HSP90B1: variants seen among roughly 807,000 people sequenced by gnomAD.
The protein encoded by HSP90B1 is endoplasmin.
HSP90B1 carries 27 observed loss-of-function variants against 100.4 expected under a neutral mutation model. The ratio of observed to expected loss-of-function variants is 0.27; its 90% confidence interval spans 0.20 to 0.37. The LOEUF is 0.37. Among genes scored for constraint, HSP90B1 ranks in the 10% least tolerant of loss-of-function variants. HSP90B1 has a pLI of 1.00. For missense variants in HSP90B1, 678 were observed against 960.5 expected, an observed-to-expected ratio of 0.71 and a Z score of 3.89; for synonymous variants, 304 against 330.8, an observed-to-expected ratio of 0.92 and a Z score of 0.88.
intron 8 of HSP90B1, among the ~76,000 whole-genome samples, chr12:103,940,112 T>C (rs981126613): frequency 1.3e-5 from 2 of 152,198 alleles, no homozygotes; most frequent in Admixed American, 6.5e-5. Flanking sequence ...TGAGAAGGCA[T>C]CTGTAGCCTT....
intron 5 of HSP90B1, 33 bp from the exon 6 acceptor site, chr12:103,937,662 T>C (rs745669214): frequency 1.0e-6 from 1 of 1,002,650 alleles, no homozygotes; most frequent in Non-Finnish European, 1.6e-6. Flanking sequence ...TTCTAAATGT[T>C]AGGTGTCTCT....
In HSP90B1 at chr12:103,930,435, T is replaced by G; in HGVS notation, c.-81T>G. On this transcript the variant is annotated 5_prime_UTR_variant, in exon 1 of 18. Transcript: ENST00000299767. The surrounding 1 kb of genome is among the most constrained non-coding windows in gnomAD (Gnocchi z 4.4). ...AGTGGGCGGACCGCGCGGCTGGAGG[T>G]GTGAGGATCCGAACCCAGGGGTGGG... The G allele has an allele frequency of 3.0e-6, 4 of 1,329,404 alleles. No individual in the cohort carries two copies. The highest frequency in any genetic ancestry group is 2.7e-5 in the East Asian group (1 of 37,042). The allele number at this position is 1,329,404 out of a possible 1,614,324, so 82.4% of individuals were successfully genotyped here.
chr12:103,934,349 TC>T, intron 5 of HSP90B1, 62 bp downstream of exon 5: 1 of 1,290,428 alleles, frequency 7.7e-7, no homozygotes, highest in Non-Finnish European at 1.1e-6. Flanking sequence ...ACTCTCCAGT[TC>T]TATTCTCTGA....
Position 103,941,437 on chromosome 12 carries a change from C to T in HSP90B1, c.1120C>T (p.His374Tyr), listed in dbSNP as rs913376058. 1 of 1,612,654 alleles carries T rather than the reference C, an allele frequency of 6.2e-7. No homozygotes were observed. The highest frequency in any genetic ancestry group is 8.5e-7 in the Non-Finnish European group (1 of 1,179,870). ...AAGTGATGACCCCATGGCTTATATT[C>T]ACTTTACTGCTGAAGGGGAAGTTAC... ...KESDDPMAYI[H>Y]FTAEGEVTFK... is the part of the protein sequence containing the mutation. Residue 374 changes from histidine to tyrosine, a missense_variant, in exon 9 of 18, where the codon CAC becomes TAC. Coordinates refer to ENST00000299767, the MANE Select transcript of HSP90B1 (RefSeq NM_003299.3).
Position 103,947,321 on chromosome 12 carries a change from A to T in HSP90B1, c.2273A>T (p.Glu758Val). Residue 758 changes from glutamate to valine, a missense_variant, in exon 17 of 18, where the codon GAG becomes GTG. Physicochemically the swap from Glu to Val is moderately radical, Grantham distance 121. Coordinates refer to ENST00000299767, the MANE Select transcript of HSP90B1 (RefSeq NM_003299.3). ...NIDPDAKVEE[E>V]PEEEPEETAE... Reference sequence around the variant, plus strand: ...AAATGTTGTGTTTAGGTGGAAGAAGAGCCCGAAGAAGAACCTGAAGAGACA... The same window carrying T: ...AAATGTTGTGTTTAGGTGGAAGAAGTGCCCGAAGAAGAACCTGAAGAGACA... 6.3e-7 allele frequency: 1 copy of T among 1,596,290 alleles called. No individual in the cohort carries two copies. Among genetic ancestry groups the T allele is most frequent in the Non-Finnish European group, 8.5e-7 (1 of 1,173,824 alleles).
Position 103,934,290 on chromosome 12 carries a change from G to T in HSP90B1, c.743+3G>T. On this transcript the variant is annotated splice_donor_region_variant and intron_variant, in intron 5 of 17. Coordinates refer to ENST00000299767, the MANE Select transcript of HSP90B1 (RefSeq NM_003299.3). ...CTAGGACGGGGAACGACAATTACGT[G>T]AGTATGACCAATTCCTTATAAGAAT... 1.2e-6 allele frequency: 2 copies of T among 1,603,288 alleles called. No individual in the cohort carries two copies. The highest frequency in any genetic ancestry group is 2.2e-5 in the South Asian group (2 of 90,800).
intron 16 of HSP90B1, 113 bp from the exon 17 acceptor site, chr12:103,947,198 T>C: frequency 7.4e-7 from 1 of 1,356,224 alleles, no homozygotes; most frequent in South Asian, 1.5e-5. Flanking sequence ...TAAGAGGATT[T>C]AGTCTGTGGT....
In HSP90B1 at chr12:103,930,474, T is replaced by A. The variant is rs760496952; in HGVS notation, c.-42T>A. 3.8e-6 allele frequency: 6 copies of A among 1,572,240 alleles called. No individual in the cohort carries two copies. Among genetic ancestry groups the A allele is most frequent in the Non-Finnish European group, 5.2e-6 (6 of 1,157,544 alleles). ...CCCAGGGGTGGGGGGTGGAGGCGGC[T>A]CCTGCGATCGAAGGGGACTTGAGAC... On this transcript the variant is annotated 5_prime_UTR_variant, in exon 1 of 18. Coordinates refer to ENST00000299767, the MANE Select transcript of HSP90B1 (RefSeq NM_003299.3). The surrounding 1 kb of genome is among the most constrained non-coding windows in gnomAD (Gnocchi z 4.4).
Position 103,942,709 on chromosome 12 carries a change from T to G in HSP90B1, c.1557T>G (p.Thr519=), listed in dbSNP as rs1248501013. The change falls in exon 12 of 18, where the codon ACT becomes ACG. Residue 519 remains threonine (T), a synonymous_variant. Transcript: ENST00000299767. ...GGTTCCAGTCTTCTCATCATCCAAC[T>G]GACATTACTAGCCTAGACCAGTATG... The part of the protein sequence containing the change: ...LLRFQSSHHP[T]DITSLDQYVE... 24 of 1,613,766 alleles carry G rather than the reference T, an allele frequency of 1.5e-5. No individual in the cohort carries two copies. The highest frequency in any genetic ancestry group is 1.9e-5 in the Non-Finnish European group (23 of 1,179,796).
rs1385298900 is a variant in HSP90B1, at chr12:103,941,439, C to G, written c.1122C>G (p.His374Gln). The G allele has an allele frequency of 1.2e-6, 2 of 1,612,758 alleles. No individual in the cohort carries two copies. Among genetic ancestry groups the G allele is most frequent in the African/African-American group, 2.7e-5 (2 of 74,990 alleles). ...KESDDPMAYI[H>Q]FTAEGEVTFK... ...GTGATGACCCCATGGCTTATATTCA[C>G]TTTACTGCTGAAGGGGAAGTTACCT... is the stretch of plus-strand genomic sequence containing the variant. Residue 374 changes from histidine to glutamine, a missense_variant, in exon 9 of 18, where the codon CAC becomes CAG. Coordinates refer to ENST00000299767, the MANE Select transcript of HSP90B1 (RefSeq NM_003299.3).
chr12:103,931,074 C>T (rs562257855), intron 1 of HSP90B1, among the ~76,000 whole-genome samples: 5 of 152,336 alleles, frequency 3.3e-5, no homozygotes, highest in African/African-American at 1.2e-4. Flanking sequence ...CTTAACATTT[C>T]TCCCCCTTCT....
Position 103,943,182 on chromosome 12 carries a change from G to A in HSP90B1, c.1753G>A (p.Gly585Arg). 6.2e-7 allele frequency: 1 copy of A among 1,614,142 alleles called. No homozygotes were observed. The highest frequency in any genetic ancestry group is 1.3e-5 in the African/African-American group (1 of 75,048). Reference protein sequence around the residue: ...YCIQALPEFDGKRFQNVAKEG... With the variant: ...YCIQALPEFDRKRFQNVAKEG... ...TATTCAGGCCCTTCCCGAATTTGAT[G>A]GGAAGAGGTTCCAGAATGTTGCCAA... Residue 585 changes from glycine to arginine, a missense_variant, in exon 13 of 18, where the codon GGG (glycine) becomes AGG (arginine). By Grantham distance (125) the Gly-to-Arg change is moderately radical. This residue lies in a region of HSP90B1 where 170 missense variants were observed against 236.7 expected (regional missense o/e 0.72). Coordinates refer to ENST00000299767, the MANE Select transcript of HSP90B1 (RefSeq NM_003299.3). This position sits in a 1 kb window ranked among gnomAD's most constrained non-coding sequence, Gnocchi z 5.3.
rs1291799454 is a variant in HSP90B1, at chr12:103,938,666, A to ATG, written c.975+208_975+209dup. 7.9e-6 allele frequency: 3 copies of ATG among 381,034 alleles called. No individual in the cohort carries two copies. In the Admixed American group the frequency reaches 1.2e-4, roughly 15 times the overall value. 23.6% of individuals were successfully genotyped at this position (381,034 alleles called of 1,614,324 possible). A position where few individuals can be genotyped will look rare whatever the true frequency, so the allele number is the denominator to read the frequency against. On this transcript the variant is annotated intron_variant, in intron 7 of 17. Coordinates refer to ENST00000299767, the MANE Select transcript of HSP90B1 (RefSeq NM_003299.3). ...TAAGTATCAAACCCAGGTCATTTTT[A>ATG]TGAAGAGTTTTCTAACTTTTATATA... is the stretch of plus-strand genomic sequence containing the variant.
At chr12:103,946,003 CCA>C (rs1157048501) in intron 14 of HSP90B1, among the ~76,000 whole-genome samples, 1 of 152,116 alleles carries the variant, frequency 6.6e-6, no homozygotes, top group African/African-American at 2.4e-5. Context: ...ATACCAAAAT[CCA>C]CACATAGTCA....
Position 103,943,849 on chromosome 12 carries a change from C to A in HSP90B1, c.2002C>A (p.Gln668Lys). The change falls in exon 14 of 18, where the codon CAA becomes AAA. Residue 668 changes from glutamine (Q) to lysine (K), a missense_variant. Gln to Lys is a moderately conservative substitution (Grantham distance 53, BLOSUM62 1). Around this residue, in one of 8 missense-constraint regions of HSP90B1, gnomAD observed 3 missense variants for 17.4 expected, o/e 0.17. Coordinates refer to ENST00000299767, the MANE Select transcript of HSP90B1 (RefSeq NM_003299.3). The surrounding 1 kb of genome is among the most constrained non-coding windows in gnomAD (Gnocchi z 5.3). ...MERIMKAQAYQTGKDISTNYY... is the reference protein window; with the variant it reads ...MERIMKAQAYKTGKDISTNYY... ...GAGAATCATGAAAGCACAAGCGTAC[C>A]AAACGGGCAAGGACATCTCTACAAA... 6.2e-7 allele frequency: 1 copy of A among 1,613,938 alleles called. No individual in the cohort carries two copies. Among genetic ancestry groups the A allele is most frequent in the Non-Finnish European group, 8.5e-7 (1 of 1,179,936 alleles).
chr12:103,941,764 GTGTT>G (rs538730174), intron 10 of HSP90B1, 58 bp downstream of exon 10: 8 of 1,601,448 alleles, frequency 5.0e-6, no homozygotes, highest in East Asian at 2.2e-5. Context: ...GCAGTGTAGA[GTGTT>G]TGTTTGGCTT....
At chr12:103,940,946 T>A (rs1870058072) in intron 8 of HSP90B1, among the ~76,000 whole-genome samples, 1 of 152,194 alleles carries the variant, frequency 6.6e-6, no homozygotes, top group Non-Finnish European at 1.5e-5. Flanking sequence ...TTTCCAACTT[T>A]GTTTTACAGG....
intron 3 of HSP90B1, 29 bp downstream of exon 3, chr12:103,932,447 T>C (rs1191741932): frequency 2.5e-6 from 4 of 1,583,128 alleles, no homozygotes; most frequent in Non-Finnish European, 3.4e-6. Flanking sequence ...GAATATTTTA[T>C]CTCTGTATGG....
Position 103,939,523 on chromosome 12 carries a change from C to T in HSP90B1, c.990C>T (p.Val330=). 6.4e-7 allele frequency: 1 copy of T among 1,555,166 alleles called. No homozygotes were observed. Among genetic ancestry groups the T allele is most frequent in the South Asian group, 1.2e-5 (1 of 83,430 alleles). ...AATAACTTCAGGTTGAAAAAACTGTCTGGGACTGGGAACTTATGAATGATA... is the reference window on the plus strand; with the variant it reads ...AATAACTTCAGGTTGAAAAAACTGTTTGGGACTGGGAACTTATGAATGATA... The part of the protein sequence containing the change: ...KPKTKKVEKT[V]WDWELMNDIK... The change falls in exon 8 of 18, where the codon GTC becomes GTT. Residue 330 remains valine (V), a synonymous_variant. Coordinates refer to ENST00000299767, the MANE Select transcript of HSP90B1 (RefSeq NM_003299.3).
Sources: gnomAD v4.1 joint callset for allele counts (sites outside exome capture counted in the v4.1 genomes callset) on GRCh38, gnomAD v4.1.1 for gene constraint, gnomAD v4.1.1 regional missense constraint, Gnocchi (gnomAD v3.1) non-coding constraint, MANE v1.5 for transcripts, NCBI Gene and HGNC (gene_info 2026-07-23, HGNC 2026-07-21) for gene names.